The following EBF1 variants were observed in gnomAD, a reference collection of about 807,000 sequenced individuals.
EBF1 encodes EBF transcription factor 1.
In EBF1, 10 loss-of-function variants were observed where a neutral mutation model predicts 68.4. The observed-to-expected ratio is 0.15, with a 90% confidence interval of 0.09 to 0.25. The LOEUF (loss-of-function observed/expected upper bound fraction) is 0.25, where lower values mean the gene tolerates loss of function less well. Among genes scored for constraint, EBF1 ranks in the 10% least tolerant of loss-of-function variants. The pLI, the probability that EBF1 is intolerant of heterozygous loss-of-function variation, is 1.00. For synonymous variants in EBF1, 298 were observed against 299.8 expected, an observed-to-expected ratio of 0.99 and a Z score of 0.06; for missense variants, 509 against 794.4, an observed-to-expected ratio of 0.64 and a Z score of 4.32.
At chr5:158,776,069 T>C (rs1775179927) in intron 10 of EBF1, among the ~76,000 whole-genome samples, 4 of 152,158 alleles carry the variant, frequency 2.6e-5, no homozygotes, top group Admixed American at 2.6e-4. Flanking sequence ...GTGCTGACTT[T>C]GTTGGGATGG....
chr5:158,825,824 C>T lies in EBF1; in HGVS notation c.637-2507G>A, dbSNP rs180903830. On this transcript the variant is annotated intron_variant, in intron 7 of 15. Transcript: ENST00000313708. ...TCCTCAAAAACTCACAGCACAACTTCCCTACCACAAAACAATTTCTCCCAT... is the reference window on the plus strand; with the variant it reads ...TCCTCAAAAACTCACAGCACAACTTTCCTACCACAAAACAATTTCTCCCAT... Among the ~76,000 whole-genome samples the T allele has an allele frequency of 1.2e-3, 182 of 152,110 alleles. 1 individual carries two copies. Among genetic ancestry groups the T allele is most frequent in the East Asian group, 3.9e-4 (2 of 5,176 alleles).
intron 6 of EBF1, among the ~76,000 whole-genome samples, chr5:158,956,489 A>ACACG (rs959954056): frequency 6.6e-6 from 1 of 151,874 alleles, no homozygotes; most frequent in Non-Finnish European, 1.5e-5. Flanking sequence ...GCACACACAC[A>ACACG]CACGCACGCA....
chr5:158,695,988 C>CA lies in EBF1; in HGVS notation c.*3122dup, dbSNP rs58435135. 19,398 of 149,740 alleles carry CA rather than the reference C, an allele frequency of 0.13. 968 individuals carry two copies. Among genetic ancestry groups the CA allele is most frequent in the East Asian group, 0.42 (4,270 of 10,154 alleles). 9.3% of individuals were successfully genotyped at this position (149,740 alleles called of 1,614,324 possible). A position where few individuals can be genotyped will look rare whatever the true frequency, so the allele number is the denominator to read the frequency against. On this transcript the variant is annotated 3_prime_UTR_variant, in exon 16 of 16. Transcript: ENST00000313708. Reference sequence around the variant, plus strand: ...AAAGTTTTTACAGCTTGAATTTTTGCAAAAAAAAAAAAAAAATTTAACAAT... The same window carrying CA: ...AAAGTTTTTACAGCTTGAATTTTTGCAAAAAAAAAAAAAAAAATTTAACAAT...
chr5:158,942,754 G>T (rs564596038), intron 6 of EBF1, among the ~76,000 whole-genome samples: 2 of 151,788 alleles, frequency 1.3e-5, no homozygotes, highest in African/African-American at 4.8e-5. Context: ...CATCTAGAAA[G>T]GCTCTACAAT....
chr5:158,783,924 C>T (rs1227139990), intron 9 of EBF1, among the ~76,000 whole-genome samples: 1 of 152,162 alleles, frequency 6.6e-6, no homozygotes, highest in African/African-American at 2.4e-5. Context: ...GCGTATTAGA[C>T]AGCCTCCCAT....
In EBF1 at chr5:158,765,808, T is replaced by C. The variant is rs571686407; in HGVS notation, c.1036+11605A>G. On this transcript the variant is annotated intron_variant, in intron 10 of 15. Coordinates refer to ENST00000313708, the MANE Select transcript of EBF1 (RefSeq NM_024007.5). ...TCTCAGTACCTTGAATAATATGAGG[T>C]CCATGTAAAAGGGTGAGCCTACTTT... Among the ~76,000 whole-genome samples the C allele has an allele frequency of 1.3e-3, 192 of 152,220 alleles. 1 individual carries two copies. The highest frequency in any genetic ancestry group is 4.2e-3 in the African/African-American group (173 of 41,544).
Position 159,095,602 on chromosome 5 carries a change from C to G in EBF1, c.411+18G>C. On this transcript the variant is annotated intron_variant, in intron 4 of 15. Transcript: ENST00000313708. ...TTGTGACATAGAGCCCCCCGTGGCC[C>G]AAAATCAAGAAACTTACTTGTTTTG... 6.2e-7 allele frequency: 1 copy of G among 1,613,608 alleles called. No individual in the cohort carries two copies. The highest frequency in any genetic ancestry group is 1.1e-5 in the South Asian group (1 of 91,036).
At chr5:158,711,432 G>A (rs149298264) in intron 14 of EBF1, among the ~76,000 whole-genome samples, 226 of 152,110 alleles carry the variant, frequency 1.5e-3, no homozygotes, top group African/African-American at 5.0e-3. Context: ...CCATGTGTCC[G>A]GCATCAGGAC....
At chr5:158,706,290 C>G (rs1757865686) in intron 15 of EBF1, among the ~76,000 whole-genome samples, 2 of 145,432 alleles carry the variant, frequency 1.4e-5, no homozygotes, top group Non-Finnish European at 3.0e-5. Flanking sequence ...TGAGTCTGGG[C>G]TGTGCTGGGC....
intron 6 of EBF1, among the ~76,000 whole-genome samples, chr5:159,014,354 G>A (rs1765254673): frequency 6.6e-6 from 1 of 152,154 alleles, no homozygotes; most frequent in African/African-American, 2.4e-5. Context: ...AAATACGGAA[G>A]GCTTTGCCAT....
At chr5:158,975,775 C>A (rs1320942785) in intron 6 of EBF1, among the ~76,000 whole-genome samples, 1 of 152,192 alleles carries the variant, frequency 6.6e-6, no homozygotes, top group Non-Finnish European at 1.5e-5. Context: ...CACATTGACA[C>A]ATTTTTCACA....
chr5:158,942,450 C>T (rs190326716), intron 6 of EBF1, among the ~76,000 whole-genome samples: 2 of 152,120 alleles, frequency 1.3e-5, no homozygotes, highest in Admixed American at 6.6e-5. Context: ...GTAGCTGGAA[C>T]CCCATAGGAA....
intron 6 of EBF1, among the ~76,000 whole-genome samples, chr5:158,959,908 G>A (rs960190719): frequency 1.6e-4 from 24 of 152,034 alleles, no homozygotes; most frequent in African/African-American, 5.1e-4. Context: ...AAACTAGATC[G>A]ACCAATCAAT....
At chr5:158,750,978 G>A (rs1768738711) in intron 10 of EBF1, among the ~76,000 whole-genome samples, 1 of 152,032 alleles carries the variant, frequency 6.6e-6, no homozygotes, top group Non-Finnish European at 1.5e-5. Context: ...AGATGATGCA[G>A]CCTATTAACA....
At chr5:159,001,715 A>G (rs1379506631) in intron 6 of EBF1, among the ~76,000 whole-genome samples, 1 of 152,226 alleles carries the variant, frequency 6.6e-6, no homozygotes, top group African/African-American at 2.4e-5. Flanking sequence ...CCCAAAACAG[A>G]TGAAGGTTCC....
rs575289916 is a variant in EBF1 at position 158,850,941 on chromosome 5, A to G, written c.555-10831T>C. On this transcript the variant is annotated intron_variant, in intron 6 of 15. Coordinates refer to ENST00000313708, the MANE Select transcript of EBF1 (RefSeq NM_024007.5). ...AGAATCACTTGAACCTGGGAGGCAG[A>G]AGTTGCAGTGAGCTGAGATGGTGCC... Among the ~76,000 whole-genome samples, 12 of 152,230 alleles carry G rather than the reference A, an allele frequency of 7.9e-5. No homozygotes were observed. In the East Asian group the frequency reaches 2.1e-3, roughly 27 times the overall value.
intron 11 of EBF1, among the ~76,000 whole-genome samples, chr5:158,724,685 T>C (rs1762628958): frequency 6.6e-6 from 1 of 152,228 alleles, no homozygotes; most frequent in South Asian, 2.1e-4. Flanking sequence ...ACAGTGCCTG[T>C]GACTGGAGTC....
chr5:158,852,783 C>G (rs1339288112), intron 6 of EBF1, among the ~76,000 whole-genome samples: 5 of 152,272 alleles, frequency 3.3e-5, no homozygotes, highest in Non-Finnish European at 7.4e-5. Context: ...AAAGCAGTAT[C>G]AGAGACGAAC....
Position 158,938,413 on chromosome 5 carries a change from C to T in EBF1, c.555-98303G>A, listed in dbSNP as rs565454225. On this transcript the variant is annotated intron_variant, in intron 6 of 15. Coordinates refer to ENST00000313708, the MANE Select transcript of EBF1 (RefSeq NM_024007.5). ...AAACAAGCTATGTTCCCTTCTCCTC[C>T]GGGAATTGTCCCAGCTGTTCCCTCT... is the stretch of plus-strand genomic sequence containing the variant. Among the ~76,000 whole-genome samples the T allele has an allele frequency of 1.1e-4, 17 of 152,336 alleles. No homozygotes were observed. The South Asian group carries it at 1.2e-3, about 11-fold the overall frequency.
Sources: gnomAD v4.1 joint callset for allele counts (sites outside exome capture counted in the v4.1 genomes callset) on GRCh38, gnomAD v4.1.1 for gene constraint, MANE v1.5 for transcripts, NCBI Gene and HGNC (gene_info 2026-07-23, HGNC 2026-07-21) for gene names.